The following AMELY variants were observed in gnomAD, a reference collection of about 807,000 sequenced individuals.
AMELY encodes amelogenin, Y isoform.
A neutral mutation model predicts 4.2 loss-of-function variants in AMELY; 4 were observed. That is an observed-to-expected ratio of 0.96 (90% CI 0.47 to 2.19). AMELY has a LOEUF of 2.19. AMELY is among the 30% of genes most tolerant of loss of function. The pLI is 0.02. For synonymous variants in AMELY, 11 were observed against 14.7 expected, an observed-to-expected ratio of 0.75 and a Z score of 0.57; for missense variants, 32 against 41.5, an observed-to-expected ratio of 0.77 and a Z score of 0.63.
intron 1 of AMELY, among the ~76,000 whole-genome samples, chrY:6,895,394 C>G: frequency 9.0e-5 from 3 of 33,408 alleles, no homozygotes; most frequent in African/African-American, 3.5e-4. Context: ...TTACCCACCC[C>G]CTTCCTCAAG....
chrY:6,872,675 T>C, intron 2 of AMELY, 55 bp from the exon 3 acceptor site: 1 of 281,098 alleles, frequency 3.6e-6, no homozygotes, highest in Non-Finnish European at 5.5e-6. Flanking sequence ...ATGTGCACCA[T>C]AAAGTGCCTT....
chrY:6,888,249 C>T, intron 1 of AMELY, among the ~76,000 whole-genome samples: 1 of 33,597 alleles, frequency 3.0e-5, no homozygotes, highest in Non-Finnish European at 7.4e-5. Context: ...TTGCATTTCT[C>T]TAATGATCAA....
At chrY:6,889,984 C>CA (rs1425987889) in intron 1 of AMELY, among the ~76,000 whole-genome samples, 54 of 24,931 alleles carry the variant, frequency 2.2e-3, no homozygotes, top group Non-Finnish European at 3.5e-3. Context: ...TACCCTGATT[C>CA]AAAAAAAAAA....
chrY:6,870,422 A>G (rs896773489), intron 3 of AMELY, among the ~76,000 whole-genome samples: 4 of 33,844 alleles, frequency 1.2e-4, no homozygotes, highest in Non-Finnish European at 2.9e-4. Context: ...TATCCTGTCT[A>G]ACAGTTTACT....
intron 1 of AMELY, among the ~76,000 whole-genome samples, chrY:6,886,460 C>T: frequency 3.0e-5 from 1 of 33,522 alleles, no homozygotes; most frequent in Non-Finnish European, 7.4e-5. Context: ...AGCATTTGAG[C>T]CCAGAAGTTC....
chrY:6,885,512 A>T, intron 1 of AMELY, among the ~76,000 whole-genome samples: 3 of 33,861 alleles, frequency 8.9e-5, no homozygotes, highest in Non-Finnish European at 2.2e-4. Context: ...TGTCCCCACA[A>T]TCTTATTACT....
At chrY:6,885,137 A>G in intron 1 of AMELY, among the ~76,000 whole-genome samples, 1 of 34,061 alleles carries the variant, frequency 2.9e-5, no homozygotes, top group East Asian at 7.8e-4. Flanking sequence ...TGCTGTTGGA[A>G]TATAAGTTAG....
intron 3 of AMELY, among the ~76,000 whole-genome samples, chrY:6,870,714 G>A: frequency 3.0e-5 from 1 of 33,540 alleles, no homozygotes; most frequent in Non-Finnish European, 7.4e-5. Flanking sequence ...AAAAATGAAA[G>A]AGTTTATTTA....
Position 6,901,967 on chromosome Y carries a change from A to G in AMELY, c.-113+9706T>C, listed in dbSNP as rs749714378. Among the ~76,000 whole-genome samples the G allele has an allele frequency of 2.1e-4, 7 of 33,193 alleles. No individual in the cohort carries two copies. The South Asian group carries it at 4.9e-3, about 23-fold the overall frequency. 89.1% of individuals were successfully genotyped at this position (33,193 alleles called of 37,273 possible). A position where few individuals can be genotyped will look rare whatever the true frequency, so the allele number is the denominator to read the frequency against. ...GACACACCCAGGATCAATAATTTGTATCCTTCAATCCAGTCAAGTTGACAC... is the reference window on the plus strand; with the variant it reads ...GACACACCCAGGATCAATAATTTGTGTCCTTCAATCCAGTCAAGTTGACAC... On this transcript the variant is annotated intron_variant, in intron 1 of 6. Coordinates refer to ENST00000651267, the MANE Select transcript of AMELY (RefSeq NM_001143.2).
intron 6 of AMELY, among the ~76,000 whole-genome samples, chrY:6,867,366 GT>G (rs2054062704): frequency 5.9e-5 from 2 of 33,671 alleles, no homozygotes; most frequent in Admixed American, 2.7e-4. Context: ...TGTGGATAAA[GT>G]TTTTTTATTG....
chrY:6,897,580 CT>C (rs2054086777), intron 1 of AMELY, among the ~76,000 whole-genome samples: 2 of 19,247 alleles, frequency 1.0e-4, no homozygotes, highest in South Asian at 1.4e-3. Flanking sequence ...CCACATTGGC[CT>C]TTTTTTTTTT....
At chrY:6,880,848 A>T in intron 1 of AMELY, among the ~76,000 whole-genome samples, 1 of 31,584 alleles carries the variant, frequency 3.2e-5, no homozygotes, top group South Asian at 7.2e-4. Flanking sequence ...GTGGTAGTTT[A>T]TATTTCTGTG....
chrY:6,907,536 G>GT (rs2011668190), intron 1 of AMELY, among the ~76,000 whole-genome samples: 20 of 26,224 alleles, frequency 7.6e-4, no homozygotes, highest in Admixed American at 1.8e-3. Context: ...TTTGTTTTTT[G>GT]TTTTTTTTTT....
At chrY:6,881,998 T>C (rs2054075248) in intron 1 of AMELY, among the ~76,000 whole-genome samples, 1 of 33,144 alleles carries the variant, frequency 3.0e-5, no homozygotes, top group South Asian at 6.8e-4. Context: ...TCATGAAATT[T>C]GCCATACTGC....
At chrY:6,911,617 C>A (rs1603024027) in intron 1 of AMELY, among the ~76,000 whole-genome samples, 56 bp downstream of exon 1, 3 of 34,931 alleles carry the variant, frequency 8.6e-5, no homozygotes, top group African/African-American at 3.3e-4. Context: ...GGCAACCCCC[C>A]CCGCGCCCCC....
At chrY:6,885,348 A>G (rs969935678) in intron 1 of AMELY, among the ~76,000 whole-genome samples, 16 of 33,760 alleles carry the variant, frequency 4.7e-4, no homozygotes, top group African/African-American at 9.2e-4. Context: ...GGTGGTGGAC[A>G]CCTGTAGTCC....
chrY:6,873,372 A>G (rs767114816), intron 2 of AMELY, among the ~76,000 whole-genome samples: 1 of 33,634 alleles, frequency 3.0e-5, no homozygotes, highest in East Asian at 7.5e-4. Flanking sequence ...TAATTACTCT[A>G]CAAATTAGAG....
At chrY:6,906,676 T>A in intron 1 of AMELY, among the ~76,000 whole-genome samples, 1 of 33,430 alleles carries the variant, frequency 3.0e-5, no homozygotes, top group African/African-American at 1.2e-4. Flanking sequence ...TTGCAAATAT[T>A]TGCTTGCACT....
At chrY:6,886,353 G>C (rs1004603484) in intron 1 of AMELY, among the ~76,000 whole-genome samples, 2 of 33,738 alleles carry the variant, frequency 5.9e-5, no homozygotes, top group South Asian at 6.6e-4. Flanking sequence ...GGTAGTCTTT[G>C]ATATTGTTCA....
Sources: allele counts gnomAD v4.1 joint callset (sites outside exome capture counted in the v4.1 genomes callset), GRCh38; gene constraint gnomAD v4.1.1; transcripts MANE v1.5; gene names NCBI Gene and HGNC (gene_info 2026-07-23, HGNC 2026-07-21).